CUL4A: variants seen among roughly 807,000 people sequenced by gnomAD.
CUL4A encodes cullin 4A, also known as cullin-4A.
CUL4A carries 16 observed loss-of-function variants against 95.5 expected under a neutral mutation model. The ratio of observed to expected loss-of-function variants is 0.17; its 90% confidence interval spans 0.11 to 0.25. The LOEUF (loss-of-function observed/expected upper bound fraction) is 0.25. Ranked by LOEUF, CUL4A falls within the 10% of genes least tolerant of loss-of-function variation. The probability of loss-of-function intolerance (pLI) is 1.00; values close to 1 mark genes in which losing one functional copy is unlikely to be tolerated. For synonymous variants in CUL4A, 380 were observed against 353.1 expected (o/e 1.08, Z -0.85); for missense variants, 610 against 937.0 (o/e 0.65, Z 4.56).
At chr13:113,223,677 G>A (rs986975313) in intron 3 of CUL4A, among the ~76,000 whole-genome samples, 3 of 152,302 alleles carry the variant, frequency 2.0e-5, no homozygotes, top group African/African-American at 7.2e-5. Context: ...GATTACAGGC[G>A]TGAGCCACCA....
chr13:113,235,018 G>A (rs371779704), intron 7 of CUL4A, 45 bp from the exon 8 acceptor site: 49 of 1,371,852 alleles, frequency 3.6e-5, no homozygotes, highest in Admixed American at 2.1e-4. Context: ...GGATAGTGTC[G>A]ACATTCTTTT....
intron 8 of CUL4A, among the ~76,000 whole-genome samples, chr13:113,235,402 G>A (rs933998551): frequency 6.6e-6 from 1 of 152,164 alleles, no homozygotes; most frequent in South Asian, 2.1e-4. Flanking sequence ...TTTTGAGACG[G>A]TCTATTTATG....
At chr13:113,252,990 C>T (rs575014856) in intron 15 of CUL4A, 92 bp from the exon 16 acceptor site, 25 of 584,038 alleles carry the variant, frequency 4.3e-5, no homozygotes, top group Non-Finnish European at 6.8e-5. Flanking sequence ...TTAATTCAGC[C>T]GTGAGAAATT....
At chr13:113,210,110 G>C in intron 2 of CUL4A, 22 bp downstream of exon 2, 1 of 1,452,524 alleles carries the variant, frequency 6.9e-7, no homozygotes, top group Non-Finnish European at 9.2e-7. Flanking sequence ...GCCGGGGCTG[G>C]GGACGCCGCT....
intron 14 of CUL4A, among the ~76,000 whole-genome samples, 200 bp downstream of exon 14, chr13:113,245,437 A>G (rs1277806650): frequency 6.6e-6 from 1 of 152,144 alleles, no homozygotes; most frequent in Admixed American, 6.6e-5. Context: ...AGTCCTAGCT[A>G]CTGGGGTAGG....
rs375769834 is a variant in CUL4A, at chr13:113,219,010, T to C, written c.330T>C (p.Cys110=). The change falls in exon 3 of 20, where the codon TGT becomes TGC. Residue 110 remains cysteine, a synonymous_variant. Transcript: ENST00000375440. ...PMLYKQLRQA[C]EDHVQAQILP... The stretch of plus-strand genomic sequence containing the variant: ...TCTACAAGCAACTGCGTCAGGCCTG[T>C]GAAGACCACGTCCAGGCACAGATCC... 4.3e-6 allele frequency: 7 copies of C among 1,613,332 alleles called. No homozygotes were observed. The highest frequency in any genetic ancestry group is 5.1e-6 in the Non-Finnish European group (6 of 1,179,782).
At chr13:113,240,711 T>TG (rs1375135585) in intron 10 of CUL4A, among the ~76,000 whole-genome samples, 1 of 152,070 alleles carries the variant, frequency 6.6e-6, no homozygotes, top group Admixed American at 6.6e-5. Context: ...GGTGTAGGGA[T>TG]GGGGCAGGGT....
chr13:113,220,164 G>GGGTC (rs2040844661), intron 3 of CUL4A, among the ~76,000 whole-genome samples: 2 of 152,172 alleles, frequency 1.3e-5, no homozygotes, highest in South Asian at 4.1e-4. Context: ...TTCATTGGAA[G>GGGTC]GGTCCTCAGG....
At chr13:113,235,664 G>A (rs1189106497) in intron 8 of CUL4A, among the ~76,000 whole-genome samples, 1 of 152,256 alleles carries the variant, frequency 6.6e-6, no homozygotes, top group South Asian at 2.1e-4. Context: ...CAGCAAGGGA[G>A]AGAAATGAAA....
At chr13:113,218,448 C>A (rs1033329821) in intron 2 of CUL4A, among the ~76,000 whole-genome samples, 1 of 152,172 alleles carries the variant, frequency 6.6e-6, no homozygotes, top group African/African-American at 2.4e-5. Context: ...CTGTTGTTCT[C>A]CTTCCTGATG....
At position 113,239,421 on chromosome 13, in the gene CUL4A, T is replaced by C. The variant is rs772402752; in HGVS notation, c.917-12T>C. 5 of 1,605,778 alleles carry C rather than the reference T, an allele frequency of 3.1e-6. No homozygotes were observed. The highest frequency in any genetic ancestry group is 1.1e-5 in the South Asian group (1 of 90,800). Reference sequence around the variant, plus strand: ...CATGCTGTACTCTGCTGACGTGTACTGCACATCTCAGGGCTCGACCACTTA... The same window carrying C: ...CATGCTGTACTCTGCTGACGTGTACCGCACATCTCAGGGCTCGACCACTTA... On this transcript the variant is annotated splice_polypyrimidine_tract_variant and intron_variant, in intron 9 of 19. Transcript: ENST00000375440.
chr13:113,208,759 T>G, upstream of CUL4A: 1 of 1,448,920 alleles, frequency 6.9e-7, no homozygotes, highest in Non-Finnish European at 9.1e-7. Context: ...GCAGGTTGGT[T>G]CCGGAGGGAG....
At chr13:113,235,683 G>A (rs1270013349) in intron 8 of CUL4A, among the ~76,000 whole-genome samples, 1 of 152,120 alleles carries the variant, frequency 6.6e-6, no homozygotes, top group African/African-American at 2.4e-5. Flanking sequence ...AAATGATACA[G>A]TGTGCAGCTG....
chr13:113,244,906 C>T (rs1326615808), intron 12 of CUL4A, 43 bp from the exon 13 acceptor site: 3 of 1,233,242 alleles, frequency 2.4e-6, no homozygotes, highest in African/African-American at 3.0e-5. Flanking sequence ...ATTTGCTTAT[C>T]AACTCTCTGA....
Position 113,256,926 on chromosome 13 carries a change from G to GTTTTTTTTTTTTTTTTTTTTT in CUL4A, c.2031+1804_2031+1824dup, listed in dbSNP as rs951070829. 8.7e-4 allele frequency among the ~76,000 whole-genome samples: 41 copies of GTTTTTTTTTTTTTTTTTTTTT among 47,394 alleles called. 4 individuals carry two copies. The highest frequency in any genetic ancestry group is 1.1e-3 in the South Asian group (1 of 876). The allele number at this position is 47,394 out of a possible 152,430, so 31.1% of individuals were successfully genotyped here. ...AATGCTTTGTCCCTTTTTTTTTTTC[G>GTTTTTTTTTTTTTTTTTTTTT]TTTTTTTTTTTTTTTTTTTTTTTGC... On this transcript the variant is annotated intron_variant, in intron 18 of 19. Transcript: ENST00000375440.
intron 18 of CUL4A, 24 bp downstream of exon 18, chr13:113,255,149 A>G (rs1439343558): frequency 6.4e-7 from 1 of 1,554,892 alleles, no homozygotes; most frequent in Middle Eastern, 1.7e-4. Flanking sequence ...TTCTCTTTTT[A>G]CTTATAGGGG....
intron 17 of CUL4A, 68 bp from the exon 18 acceptor site, chr13:113,254,885 A>AC: frequency 1.3e-6 from 2 of 1,594,672 alleles, no homozygotes; most frequent in East Asian, 4.5e-5. Context: ...TGGTAGCATG[A>AC]TTGGTTTACT....
intron 8 of CUL4A, among the ~76,000 whole-genome samples, chr13:113,236,408 T>G (rs879917092): frequency 2.0e-5 from 3 of 152,134 alleles, no homozygotes; most frequent in Non-Finnish European, 2.9e-5. Context: ...GGTGTGCAGG[T>G]CACACACAGC....
chr13:113,242,268 CAA>C (rs77043721), intron 10 of CUL4A, among the ~76,000 whole-genome samples: 3 of 128,792 alleles, frequency 2.3e-5, no homozygotes, highest in African/African-American at 2.9e-5. Flanking sequence ...CATCTCAAAA[CAA>C]AAAAAAAAAA....
Sources: allele counts gnomAD v4.1 joint callset (sites outside exome capture counted in the v4.1 genomes callset), GRCh38; gene constraint gnomAD v4.1.1; transcripts MANE v1.5; gene names NCBI Gene and HGNC (gene_info 2026-07-23, HGNC 2026-07-21).